USP8: variants seen among roughly 807,000 people sequenced by gnomAD.
USP8 encodes ubiquitin specific peptidase 8.
USP8 carries 27 observed loss-of-function variants against 130.0 expected under a neutral mutation model. That is an observed-to-expected ratio of 0.21 (90% confidence interval 0.15 to 0.29). The LOEUF (loss-of-function observed/expected upper bound fraction) is 0.29. Among genes scored for constraint, USP8 ranks in the 10% least tolerant of loss-of-function variants. The pLI is 1.00. For missense variants in USP8, 1,029 were observed against 1,312.2 expected (o/e 0.78, Z 3.33); for synonymous variants, 392 against 444.1 (o/e 0.88, Z 1.48).
intron 3 of USP8, among the ~76,000 whole-genome samples, chr15:50,445,257 A>G (rs975076557): frequency 2.4e-4 from 37 of 151,808 alleles, no homozygotes; most frequent in African/African-American, 8.9e-4. Context: ...AAAATGTTAG[A>G]GATTTAGGCT....
Position 50,427,735 on chromosome 15 carries a change from T to C in USP8, c.-66+3221T>C, listed in dbSNP as rs569003717. 4.1e-4 allele frequency among the ~76,000 whole-genome samples: 62 copies of C among 151,830 alleles called. No homozygotes were observed. In the Middle Eastern group the frequency reaches 0.01, roughly 25 times the overall value. ...CCACCATGCCCGGCTAATTTTTGTATTTTAGTAGAGATGGGGTTTTGCCAT... is the reference window on the plus strand; with the variant it reads ...CCACCATGCCCGGCTAATTTTTGTACTTTAGTAGAGATGGGGTTTTGCCAT... On this transcript the variant is annotated intron_variant, in intron 1 of 19. Transcript: ENST00000307179.
At chr15:50,435,147 G>T (rs1361664714) in intron 1 of USP8, among the ~76,000 whole-genome samples, 2 of 152,070 alleles carry the variant, frequency 1.3e-5, no homozygotes, top group African/African-American at 4.8e-5. Flanking sequence ...TCTATTTTCA[G>T]ATTTCTTTAA....
chr15:50,493,820 G>A lies in USP8; in HGVS notation c.2448-250G>A, dbSNP rs763371850. 9.5e-6 allele frequency: 6 copies of A among 629,462 alleles called. No homozygotes were observed. The East Asian group carries it at 1.3e-4, about 13-fold the overall frequency. The allele number at this position is 629,462 out of a possible 1,614,324, so 39.0% of individuals were successfully genotyped here. A position where few individuals can be genotyped will look rare whatever the true frequency, so the allele number is the denominator to read the frequency against. On this transcript the variant is annotated intron_variant, in intron 15 of 19. Coordinates refer to ENST00000307179, the MANE Select transcript of USP8 (RefSeq NM_005154.5). ...GAGCAGTGCCAGAAGGCAGAACCTCGCTGTCATGAACTGGAGCCTGTTGAT... is the reference window on the plus strand; with the variant it reads ...GAGCAGTGCCAGAAGGCAGAACCTCACTGTCATGAACTGGAGCCTGTTGAT...
At chr15:50,459,681 C>T (rs1312291591) in intron 5 of USP8, among the ~76,000 whole-genome samples, 3 of 151,992 alleles carry the variant, frequency 2.0e-5, no homozygotes, top group African/African-American at 4.8e-5. Context: ...TGCATTAATT[C>T]GTTTTTTAGC....
rs894132907 is a variant in USP8, at chr15:50,500,651, G to T, written c.*1563G>T. On this transcript the variant is annotated 3_prime_UTR_variant, in exon 20 of 20. Transcript: ENST00000307179. ...GTGTTCAGGAAACACCATTTTCCTGGCTCTTAACGCTTTTGTATTGGTATG... is the reference window on the plus strand; with the variant it reads ...GTGTTCAGGAAACACCATTTTCCTGTCTCTTAACGCTTTTGTATTGGTATG... 8 of 945,936 alleles carry T rather than the reference G, an allele frequency of 8.5e-6. No homozygotes were observed. The East Asian group carries it at 2.2e-4, about 25-fold the overall frequency. The allele number at this position is 945,936 out of a possible 1,614,324, so 58.6% of individuals were successfully genotyped here. A position where few individuals can be genotyped will look rare whatever the true frequency, so the allele number is the denominator to read the frequency against.
chr15:50,467,807 G>T (rs7177830), intron 7 of USP8, among the ~76,000 whole-genome samples: 29 of 152,070 alleles, frequency 1.9e-4, no homozygotes, highest in African/African-American at 6.5e-4. Flanking sequence ...TCCTCCCACC[G>T]TAGCCTCCCA....
chr15:50,477,133 G>GA (rs2051593930), intron 9 of USP8, 140 bp downstream of exon 9: 1 of 1,338,126 alleles, frequency 7.5e-7, no homozygotes, highest in African/African-American at 1.5e-5. Context: ...TATAAGCCTG[G>GA]AAGTTCACAT....
intron 1 of USP8, 54 bp from the exon 2 acceptor site, chr15:50,438,955 A>T (rs1181981580): frequency 5.6e-6 from 4 of 711,440 alleles, no homozygotes; most frequent in Non-Finnish European, 9.1e-6. Flanking sequence ...TAAACTGCTC[A>T]CTTGTTTTAT....
Position 50,499,609 on chromosome 15 carries a change from A to AACTT in USP8, c.*522_*525dup, listed in dbSNP as rs1354947751. The AACTT allele has an allele frequency of 6.6e-6, 1 of 152,082 alleles. No individual in the cohort carries two copies. The highest frequency in any genetic ancestry group is 1.5e-5 in the Non-Finnish European group (1 of 68,014). 9.4% of individuals were successfully genotyped at this position (152,082 alleles called of 1,614,324 possible). ...TTTTTCTTTCAGCCTATTTTGAGTT[A>AACTT]ACTTCAGTGCTTTCTTAGGGAAATG... On this transcript the variant is annotated 3_prime_UTR_variant, in exon 20 of 20. Transcript: ENST00000307179.
chr15:50,470,448 A>T (rs2051337784), intron 7 of USP8, among the ~76,000 whole-genome samples: 1 of 152,134 alleles, frequency 6.6e-6, no homozygotes, highest in South Asian at 2.1e-4. Context: ...GACAGGGAAA[A>T]AGCCAGAGCA....
intron 12 of USP8, among the ~76,000 whole-genome samples, chr15:50,485,275 C>G (rs1372341374): frequency 6.6e-6 from 1 of 151,662 alleles, no homozygotes; most frequent in African/African-American, 2.4e-5. Context: ...GAAACGCCGT[C>G]TCTACTAAAA....
At chr15:50,441,123 A>G (rs2050245558) in intron 2 of USP8, among the ~76,000 whole-genome samples, 1 of 152,138 alleles carries the variant, frequency 6.6e-6, no homozygotes, top group African/African-American at 2.4e-5. Flanking sequence ...TCAGGTGGTA[A>G]TGCGAGCAAT....
At chr15:50,492,942 T>C in intron 15 of USP8, 29 bp downstream of exon 15, 1 of 1,590,382 alleles carries the variant, frequency 6.3e-7, no homozygotes, top group Non-Finnish European at 8.6e-7. Context: ...TTTTGCATTA[T>C]AATGCTAAAA....
chr15:50,473,821 T>TATA lies in USP8; in HGVS notation c.849+2026_849+2027insATA, dbSNP rs201359126. Among the ~76,000 whole-genome samples, 201 of 141,356 alleles carry TATA rather than the reference T, an allele frequency of 1.4e-3. 3 individuals carry two copies. Among genetic ancestry groups the TATA allele is most frequent in the African/African-American group, 4.7e-3 (190 of 40,370 alleles). The allele number at this position is 141,356 out of a possible 152,430, so 92.7% of individuals were successfully genotyped here. On this transcript the variant is annotated intron_variant, in intron 8 of 19. Transcript: ENST00000307179. ...GCATCTAAGTATATATATATATATA[T>TATA]TTTTTTAATTTAATTTAATTTTATT...
rs534083567 is a variant in USP8, at chr15:50,438,910, G to T, written c.-65-99G>T. ...TTCTAAACAATTTAAAATTAACCCTGTTAGCAAAGGATATGGTTTAGGAAT... is the reference window on the plus strand; with the variant it reads ...TTCTAAACAATTTAAAATTAACCCTTTTAGCAAAGGATATGGTTTAGGAAT... On this transcript the variant is annotated intron_variant, in intron 1 of 19. Coordinates refer to ENST00000307179, the MANE Select transcript of USP8 (RefSeq NM_005154.5). The T allele has an allele frequency of 5.5e-5, 28 of 504,894 alleles. No individual in the cohort carries two copies. The South Asian group carries it at 8.3e-4, about 15-fold the overall frequency. The allele number at this position is 504,894 out of a possible 1,614,324, so 31.3% of individuals were successfully genotyped here.
chr15:50,427,623 T>C (rs1231367641), intron 1 of USP8, among the ~76,000 whole-genome samples: 1 of 142,170 alleles, frequency 7.0e-6, no homozygotes, highest in Non-Finnish European at 1.5e-5. Flanking sequence ...AGTGCAGTGG[T>C]GAGTTCTCGG....
rs2141354380 is a variant in USP8, at chr15:50,512,855, T to C, written c.*13767T>C. The C allele has an allele frequency of 6.6e-6, 1 of 152,192 alleles. No individual in the cohort carries two copies. The highest frequency in any genetic ancestry group is 2.4e-5 in the African/African-American group (1 of 41,556). 9.4% of individuals were successfully genotyped at this position (152,192 alleles called of 1,614,324 possible). A position where few individuals can be genotyped will look rare whatever the true frequency, so the allele number is the denominator to read the frequency against. ...AACACATTTAAGGTGAATTCTGTGGTATGTGAACTATCTCTAAGAACTTCT... is the reference window on the plus strand; with the variant it reads ...AACACATTTAAGGTGAATTCTGTGGCATGTGAACTATCTCTAAGAACTTCT... On this transcript the variant is annotated 3_prime_UTR_variant, in exon 20 of 20. Coordinates refer to ENST00000307179, the MANE Select transcript of USP8 (RefSeq NM_005154.5).
intron 17 of USP8, among the ~76,000 whole-genome samples, chr15:50,496,666 T>A (rs1034783946): frequency 6.6e-6 from 1 of 152,200 alleles, no homozygotes; most frequent in Admixed American, 6.5e-5. Flanking sequence ...ATTTGGAAAG[T>A]TGTCTGTTGA....
rs3098181 is a variant in USP8, at chr15:50,504,997, A to G, written c.*5909A>G. The G allele has an allele frequency of 6.7e-6, 1 of 148,700 alleles. No homozygotes were observed. The highest frequency in any genetic ancestry group is 2.5e-5 in the African/African-American group (1 of 40,300). The allele number at this position is 148,700 out of a possible 1,614,324, so 9.2% of individuals were successfully genotyped here. On this transcript the variant is annotated 3_prime_UTR_variant, in exon 20 of 20. Transcript: ENST00000307179. ...ACTCCATCTCAAAAAAAAAAAAAAA[A>G]GAATAAACTATAAAATGAAGTTGGG...
Sources: gnomAD v4.1 joint callset for allele counts (sites outside exome capture counted in the v4.1 genomes callset) on GRCh38, gnomAD v4.1.1 for gene constraint, MANE v1.5 for transcripts, NCBI Gene and HGNC (gene_info 2026-07-23, HGNC 2026-07-21) for gene names.